MALRD1: variants seen among roughly 807,000 people sequenced by gnomAD.
MALRD1 encodes the protein MAM and LDL-receptor class A domain-containing protein 1.
A neutral mutation model predicts 242.1 loss-of-function variants in MALRD1; 247 were observed. That is an observed-to-expected ratio of 1.02 (90% CI 0.92 to 1.13). MALRD1 has a LOEUF of 1.13. MALRD1 is among the 50% of genes most tolerant of loss of function. MALRD1 has a pLI of 0.00. For synonymous variants in MALRD1, 995 were observed against 866.6 expected (o/e 1.15, Z -2.60); for missense variants, 2,989 against 2,533.1 (o/e 1.18, Z -3.86).
At chr10:19,706,727 A>G (rs1833884299) in intron 38 of MALRD1, among the ~76,000 whole-genome samples, 1 of 151,854 alleles carries the variant, frequency 6.6e-6, no homozygotes, top group Non-Finnish European at 1.5e-5. Flanking sequence ...CCCATTGTCC[A>G]CCAACTAGAC....
chr10:19,713,613 C>G (rs1219381892), intron 38 of MALRD1, among the ~76,000 whole-genome samples: 1 of 152,206 alleles, frequency 6.6e-6, no homozygotes, highest in African/African-American at 2.4e-5. Context: ...ATCACAAAGA[C>G]AGCAGTACTG....
At chr10:19,296,496 A>G (rs1396379577) in intron 21 of MALRD1, among the ~76,000 whole-genome samples, 3 of 152,108 alleles carry the variant, frequency 2.0e-5, no homozygotes, top group Non-Finnish European at 2.9e-5. Flanking sequence ...TTCAGGAATG[A>G]TAAATTATTC....
intron 32 of MALRD1, among the ~76,000 whole-genome samples, chr10:19,543,615 T>C (rs372256987): frequency 6.6e-6 from 1 of 151,952 alleles, no homozygotes; most frequent in Non-Finnish European, 1.5e-5. Flanking sequence ...TTCAAACTGC[T>C]TGTGATTGTC....
chr10:19,563,973 A>G (rs960360723), intron 32 of MALRD1, among the ~76,000 whole-genome samples: 2 of 152,086 alleles, frequency 1.3e-5, no homozygotes, highest in Non-Finnish European at 2.9e-5. Context: ...TGCTTTCCCC[A>G]TGTAATGTGC....
intron 10 of MALRD1, among the ~76,000 whole-genome samples, chr10:19,138,993 T>A (rs1833451050): frequency 6.6e-6 from 1 of 152,210 alleles, no homozygotes; most frequent in African/African-American, 2.4e-5. Context: ...TTTTAAATAG[T>A]GTAACCTCAT....
chr10:19,141,471 G>A (rs1833540906), intron 10 of MALRD1, among the ~76,000 whole-genome samples: 1 of 152,040 alleles, frequency 6.6e-6, no homozygotes, highest in South Asian at 2.1e-4. Context: ...ATGGTTGTAC[G>A]ACAATGGGAA....
intron 36 of MALRD1, among the ~76,000 whole-genome samples, chr10:19,665,927 T>C (rs1038588397): frequency 2.2e-4 from 33 of 151,940 alleles, no homozygotes; most frequent in Non-Finnish European, 4.3e-4. Context: ...GAAAACAGGC[T>C]GTCCCTGGAG....
chr10:19,297,037 C>T (rs1841735417), intron 21 of MALRD1, among the ~76,000 whole-genome samples: 1 of 150,944 alleles, frequency 6.6e-6, no homozygotes, highest in Non-Finnish European at 1.5e-5. Flanking sequence ...CTACTTTTAT[C>T]CTTGATTCCA....
intron 28 of MALRD1, among the ~76,000 whole-genome samples, chr10:19,439,563 A>G (rs1264238445): frequency 3.3e-5 from 5 of 152,042 alleles, no homozygotes; most frequent in South Asian, 2.1e-4. Context: ...GATAAATATT[A>G]GCAAGGAGTA....
intron 36 of MALRD1, among the ~76,000 whole-genome samples, chr10:19,669,022 G>C (rs1192702262): frequency 2.0e-5 from 3 of 152,224 alleles, no homozygotes; most frequent in Admixed American, 2.0e-4. Context: ...GGGAAACTGA[G>C]ATGGCAGCAC....
intron 4 of MALRD1, among the ~76,000 whole-genome samples, chr10:19,098,873 T>A (rs1836142231): frequency 6.6e-6 from 1 of 152,094 alleles, no homozygotes; most frequent in Non-Finnish European, 1.5e-5. Context: ...GTTTTATAGA[T>A]GAGCTTGAGG....
chr10:19,165,449 T>A (rs746339002), intron 12 of MALRD1, among the ~76,000 whole-genome samples, 188 bp from the exon 13 acceptor site: 2 of 151,504 alleles, frequency 1.3e-5, no homozygotes, highest in African/African-American at 2.4e-5. Context: ...ATTACACGCA[T>A]GCACCACCAC....
intron 36 of MALRD1, among the ~76,000 whole-genome samples, chr10:19,655,544 A>G (rs1347443030): frequency 7.0e-5 from 8 of 113,722 alleles, no homozygotes; most frequent in South Asian, 2.8e-4. Context: ...ATATATATAT[A>G]TATATATATA....
At position 19,612,339 on chromosome 10, in the gene MALRD1, C is replaced by A. The variant is rs149287903; in HGVS notation, c.6071-3518C>A. ...GAGCTCCTTACTCTCATCTTTGGCA[C>A]CTTACTCCCCTGTTTTATGTAATTA... is the stretch of plus-strand genomic sequence containing the variant. On this transcript the variant is annotated intron_variant, in intron 35 of 39. Coordinates refer to ENST00000454679, the MANE Select transcript of MALRD1 (RefSeq NM_001142308.3). 3.3e-3 allele frequency among the ~76,000 whole-genome samples: 506 copies of A among 151,886 alleles called. 5 individuals are homozygous for A. Among genetic ancestry groups the A allele is most frequent in the African/African-American group, 0.012 (480 of 41,458 alleles).
intron 36 of MALRD1, among the ~76,000 whole-genome samples, chr10:19,665,540 C>T (rs1841639854): frequency 6.6e-6 from 1 of 151,982 alleles, no homozygotes; most frequent in Non-Finnish European, 1.5e-5. Context: ...CAAAGTGATC[C>T]TTTTTCCAAA....
intron 36 of MALRD1, among the ~76,000 whole-genome samples, chr10:19,660,145 C>G (rs1194214160): frequency 6.6e-6 from 1 of 152,080 alleles, no homozygotes; most frequent in African/African-American, 2.4e-5. Context: ...CTCTGCTAGG[C>G]ACTGACTCTG....
chr10:19,705,975 A>G (rs1243023716), intron 38 of MALRD1, among the ~76,000 whole-genome samples: 3 of 152,074 alleles, frequency 2.0e-5, no homozygotes, highest in Non-Finnish European at 2.9e-5. Context: ...ACCTTGATAT[A>G]TGACTTGAAG....
intron 17 of MALRD1, among the ~76,000 whole-genome samples, chr10:19,206,075 A>G (rs994038668): frequency 2.7e-5 from 4 of 150,110 alleles, no homozygotes; most frequent in Middle Eastern, 3.5e-3. Flanking sequence ...TATGAAAATT[A>G]TTTTATAAAT....
intron 36 of MALRD1, among the ~76,000 whole-genome samples, chr10:19,666,011 C>T (rs562231007): frequency 1.9e-4 from 29 of 152,132 alleles, no homozygotes; most frequent in Middle Eastern, 3.4e-3. Flanking sequence ...GGAATTCAAA[C>T]GCAGGAGGGA....
Sources: gnomAD v4.1 joint callset for allele counts (sites outside exome capture counted in the v4.1 genomes callset) on GRCh38, gnomAD v4.1.1 for gene constraint, MANE v1.5 for transcripts, NCBI Gene and HGNC (gene_info 2026-07-23, HGNC 2026-07-21) for gene names.